The following CHRD variants were observed in gnomAD, a reference collection of about 807,000 sequenced individuals.
CHRD encodes the protein chordin.
In CHRD, 69 loss-of-function variants were observed where a neutral mutation model predicts 113.7. The ratio of observed to expected loss-of-function variants is 0.61; its 90% confidence interval spans 0.50 to 0.74. The LOEUF (loss-of-function observed/expected upper bound fraction) is 0.74. Ranked by LOEUF, CHRD falls within the 30% of genes least tolerant of loss-of-function variation. The probability of loss-of-function intolerance (pLI) is 0.00; values close to 1 mark genes in which losing one functional copy is unlikely to be tolerated. For synonymous variants in CHRD, 561 were observed against 540.8 expected, an observed-to-expected ratio of 1.04 and a Z score of -0.52; for missense variants, 1,194 against 1,295.8, an observed-to-expected ratio of 0.92 and a Z score of 1.21.
chr3:184,385,909 A>C (rs1330016132), intron 14 of CHRD, 137 bp from the exon 15 acceptor site: 1 of 857,132 alleles, frequency 1.2e-6, no homozygotes, highest in Non-Finnish European at 1.9e-6. Context: ...CAAGCTCCAC[A>C]CTATTGCCAA....
At chr3:184,385,066 G>C in exon 14 of CHRD, 1 of 1,614,114 alleles carries the variant, frequency 6.2e-7, no homozygotes, top group African/African-American at 1.3e-5. Flanking sequence ...CCTGTGAAGA[G>C]CCAAGCAGCA....
rs201007313 is a variant in CHRD at position 184,382,549 on chromosome 3, C to T, written c.841+19C>T. 444 of 1,613,312 alleles carry T rather than the reference C, an allele frequency of 2.8e-4. No individual in the cohort carries two copies. In the African/African-American group the frequency reaches 5.1e-3, roughly 18 times the overall value. ...GCTGCAGGTAGGGAGCAAAGAGCCCCGGGCGTGAAGTTCTGAGTCTTCTCT... is the reference window on the plus strand; with the variant it reads ...GCTGCAGGTAGGGAGCAAAGAGCCCTGGGCGTGAAGTTCTGAGTCTTCTCT... On this transcript the variant is annotated intron_variant, in intron 7 of 22. Coordinates refer to ENST00000204604, the Ensembl canonical transcript of CHRD.
chr3:184,380,485 G>T lies in CHRD; in HGVS notation c.148+19G>T. The T allele has an allele frequency of 8.5e-7, 1 of 1,171,938 alleles. No individual in the cohort carries two copies. Among genetic ancestry groups the T allele is most frequent in the South Asian group, 3.4e-5 (1 of 29,832 alleles). The allele number at this position is 1,171,938 out of a possible 1,614,324, so 72.6% of individuals were successfully genotyped here. A position where few individuals can be genotyped will look rare whatever the true frequency, so the allele number is the denominator to read the frequency against. ...GCGGCAGGTAGGTGGGCGCCCGGGG[G>T]AGGCGCGGGCGGGGAGTCGGGCTCG... On this transcript the variant is annotated intron_variant, in intron 1 of 22. Coordinates refer to ENST00000204604, the Ensembl canonical transcript of CHRD. The surrounding 1 kb of genome is among the most constrained non-coding windows in gnomAD (Gnocchi z 6.3).
At position 184,380,566 on chromosome 3, in the gene CHRD, G is replaced by C. The variant is rs1715154638; in HGVS notation, c.148+100G>C. ...CGGGGCGCAGGTGGCTCGGCGCGGC[G>C]GGCGGCCCGGAGGGTGGGCGGGGGC... On this transcript the variant is annotated intron_variant, in intron 1 of 22. Transcript: ENST00000204604. The surrounding 1 kb of genome is among the most constrained non-coding windows in gnomAD (Gnocchi z 6.3). 1 of 1,033,492 alleles carries C rather than the reference G, an allele frequency of 9.7e-7. No individual in the cohort carries two copies. Among genetic ancestry groups the C allele is most frequent in the Middle Eastern group, 3.9e-4 (1 of 2,590 alleles). 64.0% of individuals were successfully genotyped at this position (1,033,492 alleles called of 1,614,324 possible).
At position 184,382,725 on chromosome 3, in the gene CHRD, C is replaced by T. The variant is rs191770213; in HGVS notation, c.933C>T (p.Ser311=). ...TCACTCTCAGTGACACAGAGGACTC[C>T]TTGCATTTTTTGCTGCTCTTCCGAG... is the stretch of plus-strand genomic sequence containing the variant. The change falls in exon 8 of 23, where the codon TCC becomes TCT. Residue 311 remains serine, a synonymous_variant. Transcript: ENST00000204604. 197 of 1,613,948 alleles carry T rather than the reference C, an allele frequency of 1.2e-4. 1 individual carries two copies. In the Admixed American group the frequency reaches 3.2e-3, roughly 26 times the overall value.
chr3:184,389,178 A>G (rs1716837934), intron 22 of CHRD, among the ~76,000 whole-genome samples, 183 bp downstream of exon 22: 2 of 152,204 alleles, frequency 1.3e-5, no homozygotes, highest in South Asian at 4.1e-4. Context: ...TTCTTTACAA[A>G]TGAGATTTCT....
Position 184,380,959 on chromosome 3 carries a change from C to T in CHRD, c.252+164C>T. On this transcript the variant is annotated intron_variant, in intron 2 of 22. Coordinates refer to ENST00000204604, the Ensembl canonical transcript of CHRD. The surrounding 1 kb of genome is among the most constrained non-coding windows in gnomAD (Gnocchi z 6.3). ...AATCAGCCCCTCCAATTCTTAGGTG[C>T]TGTTACTGATCGCCCACTCTGTGTG... 1 of 740,914 alleles carries T rather than the reference C, an allele frequency of 1.3e-6. No homozygotes were observed. Among genetic ancestry groups the T allele is most frequent in the South Asian group, 1.5e-5 (1 of 67,426 alleles). The allele number at this position is 740,914 out of a possible 1,614,324, so 45.9% of individuals were successfully genotyped here. A position where few individuals can be genotyped will look rare whatever the true frequency, so the allele number is the denominator to read the frequency against.
chr3:184,382,934 C>T, exon 9 of CHRD: 1 of 1,614,030 alleles, frequency 6.2e-7, no homozygotes, highest in Non-Finnish European at 8.5e-7. Context: ...AATGTCTCAG[C>T]CCAGGTGAGT....
chr3:184,384,774 T>C lies in CHRD; in HGVS notation c.1597+81T>C. 1 of 1,471,736 alleles carries C rather than the reference T, an allele frequency of 6.8e-7. No homozygotes were observed. Among genetic ancestry groups the C allele is most frequent in the Non-Finnish European group, 9.0e-7 (1 of 1,108,690 alleles). 91.2% of individuals were successfully genotyped at this position (1,471,736 alleles called of 1,614,324 possible). ...GGTGGCAGACAGCCGGAGCCTGGTG[T>C]GTCTTTCTTTGTGCCTAAGCTCCGG... On this transcript the variant is annotated intron_variant, in intron 13 of 22. Transcript: ENST00000204604. This position sits in a 1 kb window ranked among gnomAD's most constrained non-coding sequence, Gnocchi z 4.4.
intron 15 of CHRD, 102 bp from the exon 16 acceptor site, chr3:184,386,390 A>C: frequency 6.8e-7 from 1 of 1,467,012 alleles, no homozygotes; most frequent in Non-Finnish European, 9.1e-7. Context: ...GGGCCACTGC[A>C]GCGCTCAGGG....
At position 184,386,882 on chromosome 3, in the gene CHRD, C is replaced by T. The variant is rs368225894; in HGVS notation, c.2234C>T (p.Pro745Leu). Residue 745 changes from proline (P) to leucine (L), a missense_variant, in exon 17 of 23, where the codon CCG (proline) becomes CTG (leucine). Physicochemically the swap from Pro to Leu is moderately conservative, Grantham distance 98. Transcript: ENST00000204604. ...ATCTGTGACCCGGTGGTGTGCCCAC[C>T]GCCCAGCTGCCCACACCCGGTGCAG... The T allele has an allele frequency of 6.2e-5, 100 of 1,614,090 alleles. No individual in the cohort carries two copies. The highest frequency in any genetic ancestry group is 7.7e-5 in the South Asian group (7 of 91,092).
In CHRD at chr3:184,381,723, G is replaced by A; in HGVS notation, c.519G>A (p.Val173=). The A allele has an allele frequency of 6.2e-7, 1 of 1,613,104 alleles. No individual in the cohort carries two copies. Among genetic ancestry groups the A allele is most frequent in the Non-Finnish European group, 8.5e-7 (1 of 1,179,948 alleles). ...ATCTTCCTCCCGTCCCAGACTTCGT[G>A]GCGCTGCTGACAGGGCCGAGGTCGC... The change falls in exon 5 of 23, where the codon GTG becomes GTA. Residue 173 remains valine (V), a synonymous_variant. Coordinates refer to ENST00000204604, the Ensembl canonical transcript of CHRD. This position sits in a 1 kb window ranked among gnomAD's most constrained non-coding sequence, Gnocchi z 4.7.
Position 184,387,332 on chromosome 3 carries a change from A to T in CHRD, c.2348-42A>T. 1 of 1,571,972 alleles carries T rather than the reference A, an allele frequency of 6.4e-7. No homozygotes were observed. The highest frequency in any genetic ancestry group is 2.2e-5 in the East Asian group (1 of 44,632). ...CAAGCCTTGGTTGTGGGCCCAGCTG[A>T]TGAGCTCATACTAATGGCTGCTGGG... On this transcript the variant is annotated intron_variant, in intron 18 of 22. Coordinates refer to ENST00000204604, the Ensembl canonical transcript of CHRD. The surrounding 1 kb of genome is among the most constrained non-coding windows in gnomAD (Gnocchi z 6.1).
At position 184,380,286 on chromosome 3, in the gene CHRD, C is replaced by A; in HGVS notation, c.-33C>A. ...CCTCCGCCCGCTCCCGCGCCCTCCT[C>A]CCTCCCTCCTCCCCAGCTGTCCCGT... On this transcript the variant is annotated 5_prime_UTR_variant, in exon 1 of 23. Transcript: ENST00000204604. The surrounding 1 kb of genome is among the most constrained non-coding windows in gnomAD (Gnocchi z 6.3). 1.0e-6 allele frequency: 1 copy of A among 988,636 alleles called. No homozygotes were observed. Among genetic ancestry groups the A allele is most frequent in the Non-Finnish European group, 1.3e-6 (1 of 779,546 alleles). The allele number at this position is 988,636 out of a possible 1,614,324, so 61.2% of individuals were successfully genotyped here.
rs1225267069 is a variant in CHRD at position 184,381,057 on chromosome 3, T to C, written c.253-178T>C. On this transcript the variant is annotated intron_variant, in intron 2 of 22. Coordinates refer to ENST00000204604, the Ensembl canonical transcript of CHRD. This position sits in a 1 kb window ranked among gnomAD's most constrained non-coding sequence, Gnocchi z 4.7. Reference sequence around the variant, plus strand: ...GGCAGCCTTGCTAGATAGAGAGTATTATTATCCCCATTTTCCAGACAGGGA... The same window carrying C: ...GGCAGCCTTGCTAGATAGAGAGTATCATTATCCCCATTTTCCAGACAGGGA... 2 of 785,494 alleles carry C rather than the reference T, an allele frequency of 2.5e-6. No individual in the cohort carries two copies. Among genetic ancestry groups the C allele is most frequent in the South Asian group, 2.9e-5 (2 of 69,160 alleles). The allele number at this position is 785,494 out of a possible 1,614,324, so 48.7% of individuals were successfully genotyped here.
chr3:184,385,474 C>T (rs1716129386), intron 14 of CHRD, among the ~76,000 whole-genome samples: 2 of 152,048 alleles, frequency 1.3e-5, no homozygotes, highest in South Asian at 4.1e-4. Flanking sequence ...CAAGACTAGC[C>T]TGACCAACAT....
chr3:184,383,387 C>T (rs915508670), exon 11 of CHRD: 15 of 1,613,796 alleles, frequency 9.3e-6, no homozygotes, highest in Admixed American at 5.0e-5. Flanking sequence ...GCCAGCCTCA[C>T]GCTGCTAGGA....
intron 15 of CHRD, 78 bp downstream of exon 15, chr3:184,386,237 C>T (rs1057338806): frequency 1.1e-5 from 16 of 1,454,064 alleles, no homozygotes; most frequent in Admixed American, 3.6e-5. Context: ...TTGCACTAGT[C>T]ACTTGCTGTC....
In CHRD at chr3:184,388,399, C is replaced by G. The variant is rs779227208; in HGVS notation, c.2555-188C>G. The stretch of plus-strand genomic sequence containing the variant: ...TCCACCCATTGATGCATCCATCCAT[C>G]CATCCATCCATCCATCCATCCATCC... On this transcript the variant is annotated intron_variant, in intron 20 of 22. Coordinates refer to ENST00000204604, the Ensembl canonical transcript of CHRD. The surrounding 1 kb of genome is among the most constrained non-coding windows in gnomAD (Gnocchi z 6.1). 1.2e-5 allele frequency among the ~76,000 whole-genome samples: 1 copy of G among 86,204 alleles called. No individual in the cohort carries two copies. The highest frequency in any genetic ancestry group is 2.3e-4 in the East Asian group (1 of 4,300). 56.6% of individuals were successfully genotyped at this position (86,204 alleles called of 152,430 possible).
Sources: gnomAD v4.1 joint callset for allele counts (sites outside exome capture counted in the v4.1 genomes callset) on GRCh38, gnomAD v4.1.1 for gene constraint, Gnocchi (gnomAD v3.1) non-coding constraint, MANE v1.5 for transcripts, NCBI Gene and HGNC (gene_info 2026-07-23, HGNC 2026-07-21) for gene names.